Variants in CDH18 observed in about 807,000 individuals in gnomAD.
CDH18 encodes the protein cadherin-18.
CDH18 carries 31 observed loss-of-function variants against 67.9 expected under a neutral mutation model. That is an observed-to-expected ratio of 0.46 (90% CI 0.34 to 0.62). The LOEUF (loss-of-function observed/expected upper bound fraction) is 0.62. Ranked by LOEUF, CDH18 falls within the 20% of genes least tolerant of loss-of-function variation. The probability of loss-of-function intolerance (pLI) is 0.01; values close to 1 mark genes in which losing one functional copy is unlikely to be tolerated. For synonymous variants in CDH18, 362 were observed against 347.2 expected (o/e 1.04, Z -0.48); for missense variants, 890 against 975.5 (o/e 0.91, Z 1.17).
chr5:20,564,260 T>TTTTACTTATTTATTTATTTA lies in CDH18; in HGVS notation c.-580+11201_-580+11202insTAAATAAATAAATAAGTAAA, dbSNP rs1554020094. ...ATTATTTCTTGCATTATTATCACAG[T>TTTTACTTATTTATTTATTTA]TTTATTTATTTATTTATTTATTTAT... On this transcript the variant is annotated intron_variant, in intron 1 of 14. Coordinates refer to the CDH18 transcript ENST00000507958. Among the ~76,000 whole-genome samples the TTTTACTTATTTATTTATTTA allele has an allele frequency of 2.4e-4, 34 of 141,650 alleles. 1 individual carries two copies. In the South Asian group the frequency reaches 7.7e-3, roughly 32 times the overall value. The allele number at this position is 141,650 out of a possible 152,430, so 92.9% of individuals were successfully genotyped here. A position where few individuals can be genotyped will look rare whatever the true frequency, so the allele number is the denominator to read the frequency against.
chr5:19,967,556 G>A (rs1409465242), intron 2 of CDH18, among the ~76,000 whole-genome samples: 1 of 152,070 alleles, frequency 6.6e-6, no homozygotes, highest in Non-Finnish European at 1.5e-5. Flanking sequence ...AACAATTTGT[G>A]ACTGATTCTC....
chr5:19,476,751 T>G (rs1235865343), intron 12 of CDH18, among the ~76,000 whole-genome samples: 2 of 152,046 alleles, frequency 1.3e-5, no homozygotes, highest in African/African-American at 4.8e-5. Context: ...AATTGGTTGG[T>G]GGTTGATGTC....
At position 20,241,615 on chromosome 5, in the gene CDH18, G is replaced by T. The variant is rs544565966; in HGVS notation, c.-518+13829C>A. ...GCCTGTAATTCCAGCACTTTGGGAG[G>T]CCAAGGCGGGTGGATCACGAGGTCA... is the stretch of plus-strand genomic sequence containing the variant. On this transcript the variant is annotated intron_variant, in intron 2 of 14. Transcript: ENST00000507958. Among the ~76,000 whole-genome samples the T allele has an allele frequency of 2.6e-5, 4 of 152,058 alleles. No individual in the cohort carries two copies. In the South Asian group the frequency reaches 8.3e-4, roughly 32 times the overall value.
chr5:19,923,379 T>C (rs1792722310), intron 2 of CDH18, among the ~76,000 whole-genome samples: 1 of 152,208 alleles, frequency 6.6e-6, no homozygotes, highest in Admixed American at 6.5e-5. Context: ...CAGAAACTTT[T>C]AAGCATAAAA....
chr5:20,270,141 C>A (rs79499059), intron 1 of CDH18, among the ~76,000 whole-genome samples: 2 of 149,530 alleles, frequency 1.3e-5, no homozygotes, highest in East Asian at 3.9e-4. Flanking sequence ...TAAAATGATG[C>A]AGGAGATTTC....
chr5:19,764,162 C>T (rs1318136345), intron 3 of CDH18, among the ~76,000 whole-genome samples: 3 of 141,624 alleles, frequency 2.1e-5, no homozygotes, highest in Admixed American at 7.3e-5. Context: ...GGCAACAGAG[C>T]GAGACTCTGT....
chr5:19,566,858 T>C (rs1173861717), intron 8 of CDH18, among the ~76,000 whole-genome samples: 1 of 152,016 alleles, frequency 6.6e-6, no homozygotes, highest in African/African-American at 2.4e-5. Context: ...GATGAATGGA[T>C]AAAGAAAATG....
intron 1 of CDH18, among the ~76,000 whole-genome samples, chr5:20,426,250 T>C (rs1003007439): frequency 1.3e-5 from 2 of 151,202 alleles, no homozygotes; most frequent in Admixed American, 6.6e-5. Context: ...ATAATTCCTA[T>C]TGATAACTTA....
At chr5:19,846,297 C>A (rs767453272) in intron 2 of CDH18, among the ~76,000 whole-genome samples, 2 of 152,048 alleles carry the variant, frequency 1.3e-5, no homozygotes, top group Non-Finnish European at 2.9e-5. Context: ...ACTTTTACTT[C>A]ACCCACACTA....
chr5:20,189,591 A>C (rs1181990941), intron 2 of CDH18, among the ~76,000 whole-genome samples: 1 of 152,154 alleles, frequency 6.6e-6, no homozygotes, highest in Admixed American at 6.6e-5. Context: ...CCATGTTACA[A>C]ATGACATAGC....
upstream of CDH18, among the ~76,000 whole-genome samples, chr5:19,990,606 AG>A (rs1466363915): frequency 6.6e-6 from 1 of 152,210 alleles, no homozygotes; most frequent in Non-Finnish European, 1.5e-5. Flanking sequence ...TCTTGGAATA[AG>A]GGCTCTAGAT....
At chr5:20,230,972 C>G (rs1298107104) in intron 2 of CDH18, among the ~76,000 whole-genome samples, 1 of 152,098 alleles carries the variant, frequency 6.6e-6, no homozygotes, top group East Asian at 1.9e-4. Context: ...TGGGAAGTGA[C>G]CATTCAATGC....
At chr5:19,677,624 A>T (rs1193139555) in intron 5 of CDH18, among the ~76,000 whole-genome samples, 1 of 151,964 alleles carries the variant, frequency 6.6e-6, no homozygotes, top group Non-Finnish European at 1.5e-5. Flanking sequence ...TGGCAAGTTG[A>T]ATGAAGAAGC....
At chr5:19,681,999 T>A (rs571306326) in intron 5 of CDH18, among the ~76,000 whole-genome samples, 1 of 152,218 alleles carries the variant, frequency 6.6e-6, no homozygotes, top group South Asian at 2.1e-4. Flanking sequence ...AGTTTCTGAG[T>A]AGTTCTTTAA....
intron 7 of CDH18, among the ~76,000 whole-genome samples, chr5:19,580,625 A>G (rs1047939144): frequency 1.3e-5 from 2 of 151,900 alleles, no homozygotes; most frequent in Non-Finnish European, 2.9e-5. Flanking sequence ...TATGCCCTAA[A>G]CAATTAACAT....
chr5:19,707,417 A>T (rs924386868), intron 5 of CDH18, among the ~76,000 whole-genome samples: 3 of 152,268 alleles, frequency 2.0e-5, no homozygotes, highest in African/African-American at 7.2e-5. Flanking sequence ...AATTATACTT[A>T]TTGGGCATAT....
intron 1 of CDH18, among the ~76,000 whole-genome samples, chr5:20,464,590 C>G (rs16886994): frequency 0.084 from 12,733 of 152,076 alleles, 1,715 homozygotes; most frequent in African/African-American, 0.28. Context: ...ATTTACAGAG[C>G]AGAGAAGAGA....
rs145546911 is a variant in CDH18, at chr5:20,475,872, G to T, written c.-580+99590C>A. On this transcript the variant is annotated intron_variant, in intron 1 of 14. Coordinates refer to the CDH18 transcript ENST00000507958. ...GAATATTAGAGGCTTGCATAAAAAT[G>T]GAAAGGTTTGGATTGCTGAAGACCA... 6.2e-3 allele frequency among the ~76,000 whole-genome samples: 947 copies of T among 152,240 alleles called. 7 individuals are homozygous for T. The highest frequency in any genetic ancestry group is 0.021 in the African/African-American group (893 of 41,544).
intron 1 of CDH18, among the ~76,000 whole-genome samples, chr5:20,278,972 A>C (rs1272295153): frequency 2.0e-5 from 3 of 152,102 alleles, no homozygotes; most frequent in Non-Finnish European, 4.4e-5. Context: ...CTAGATTGGA[A>C]GCCAAGAAAG....
Sources: allele counts gnomAD v4.1 joint callset (sites outside exome capture counted in the v4.1 genomes callset), GRCh38; gene constraint gnomAD v4.1.1; transcripts MANE v1.5; gene names NCBI Gene and HGNC (gene_info 2026-07-23, HGNC 2026-07-21).